The following MLYCD variants were observed in gnomAD, a reference collection of about 807,000 sequenced individuals.
The protein encoded by MLYCD is malonyl-CoA decarboxylase.
A neutral mutation model predicts 35.8 loss-of-function variants in MLYCD; 27 were observed. The observed-to-expected ratio is 0.75, with a 90% confidence interval of 0.56 to 1.04. The LOEUF is 1.04. Among genes scored for constraint, MLYCD ranks in the 50% least tolerant of loss-of-function variants. MLYCD has a pLI of 0.00. For synonymous variants in MLYCD, 403 were observed against 302.4 expected (o/e 1.33, Z -3.45); for missense variants, 917 against 665.1 (o/e 1.38, Z -4.17).
Position 83,919,744 on chromosome 16 carries a change from A to G in MLYCD, c.*4255A>G, listed in dbSNP as rs760118612. The G allele has an allele frequency of 2.7e-4, 40 of 150,560 alleles. No individual in the cohort carries two copies. The highest frequency in any genetic ancestry group is 1.4e-3 in the Admixed American group (21 of 15,196). 9.3% of individuals were successfully genotyped at this position (150,560 alleles called of 1,614,324 possible). On this transcript the variant is annotated 3_prime_UTR_variant, in exon 5 of 5. Coordinates refer to ENST00000262430, the MANE Select transcript of MLYCD (RefSeq NM_012213.3). ...ACAGTGCACAGAACACACAGTGCAC[A>G]GAACACACGGTGCACAGGAGAACAC...
At chr16:83,910,163 T>C (rs1907124095) in intron 3 of MLYCD, among the ~76,000 whole-genome samples, 1 of 151,748 alleles carries the variant, frequency 6.6e-6, no homozygotes, top group Non-Finnish European at 1.5e-5. Context: ...GCAGCAACAG[T>C]CATGGAGATT....
In MLYCD at chr16:83,916,407, TGTG is replaced by T. The variant is rs1907389123; in HGVS notation, c.*919_*921del. 1.2e-5 allele frequency: 2 copies of T among 161,612 alleles called. No individual in the cohort carries two copies. The allele number at this position is 161,612 out of a possible 1,614,324, so 10.0% of individuals were successfully genotyped here. On this transcript the variant is annotated 3_prime_UTR_variant, in exon 5 of 5. Coordinates refer to ENST00000262430, the MANE Select transcript of MLYCD (RefSeq NM_012213.3). ...CTGTGTGCATGTGCACGAGCGTCTC[TGTG>T]TGGATCAGTGCACGTCTGTGCGTGT... is the stretch of plus-strand genomic sequence containing the variant.
chr16:83,914,073 G>A (rs1234826147), intron 4 of MLYCD: 3 of 152,182 alleles, frequency 2.0e-5, no homozygotes, highest in African/African-American at 4.8e-5. Context: ...GCAGACTGTC[G>A]AGAGTGGTTT....
Position 83,912,344 on chromosome 16 carries a change from A to C in MLYCD, c.925A>C (p.Lys309Gln), listed in dbSNP as rs149926091. The C allele has an allele frequency of 5.3e-4, 848 of 1,614,166 alleles. 6 individuals are homozygous for C. In the African/African-American group the frequency reaches 0.01, roughly 20 times the overall value. The change falls in exon 4 of 5, where the codon AAG (lysine) becomes CAG (glutamine). Residue 309 changes from lysine (K) to glutamine (Q), a missense_variant. Transcript: ENST00000262430. ...QGVELGTFLI[K>Q]RVVKELQREF... ...GGTGGAGCTGGGAACATTCCTCATAAAGCGAGTCGTCAAGGAGTTGCAGGT... is the reference window on the plus strand; with the variant it reads ...GGTGGAGCTGGGAACATTCCTCATACAGCGAGTCGTCAAGGAGTTGCAGGT...
chr16:83,911,991 G>A lies in MLYCD; in HGVS notation c.799-227G>A, dbSNP rs143044109. 2.2e-4 allele frequency: 126 copies of A among 578,946 alleles called. No homozygotes were observed. The East Asian group carries it at 2.7e-3, about 12-fold the overall frequency. 35.9% of individuals were successfully genotyped at this position (578,946 alleles called of 1,614,324 possible). A position where few individuals can be genotyped will look rare whatever the true frequency, so the allele number is the denominator to read the frequency against. On this transcript the variant is annotated intron_variant, in intron 3 of 4. Coordinates refer to ENST00000262430, the MANE Select transcript of MLYCD (RefSeq NM_012213.3). ...AGTTTGCATGAAAATTTCAAGAAACGATGCAGTGCTGAGGACCCCCAGGCA... is the reference window on the plus strand; with the variant it reads ...AGTTTGCATGAAAATTTCAAGAAACAATGCAGTGCTGAGGACCCCCAGGCA...
In MLYCD at chr16:83,899,170, C is replaced by A; in HGVS notation, c.26C>A (p.Thr9Lys). The change falls in exon 1 of 5, where the codon ACG becomes AAG. Residue 9 changes from threonine (T) to lysine (K), a missense_variant. Thr to Lys is a moderately conservative substitution (Grantham distance 78, BLOSUM62 -1). Transcript: ENST00000262430. ...ATGCGAGGCTTCGGGCCAGGCTTGACGGCCAGGCGTCTCCTCCCGCTGCGG... is the reference window on the plus strand; with the variant it reads ...ATGCGAGGCTTCGGGCCAGGCTTGAAGGCCAGGCGTCTCCTCCCGCTGCGG... Reference protein sequence around the residue: MRGFGPGLTARRLLPLRLP... With the variant: MRGFGPGLKARRLLPLRLP... 1 of 1,162,830 alleles carries A rather than the reference C, an allele frequency of 8.6e-7. No individual in the cohort carries two copies. Among genetic ancestry groups the A allele is most frequent in the Non-Finnish European group, 1.1e-6 (1 of 946,984 alleles). The allele number at this position is 1,162,830 out of a possible 1,614,324, so 72.0% of individuals were successfully genotyped here.
chr16:83,899,397 G>A lies in MLYCD; in HGVS notation c.253G>A (p.Ala85Thr), dbSNP rs1906693886. 2.0e-6 allele frequency: 3 copies of A among 1,528,456 alleles called. No homozygotes were observed. The highest frequency in any genetic ancestry group is 2.0e-5 in the Admixed American group (1 of 50,946). The allele number at this position is 1,528,456 out of a possible 1,614,324, so 94.7% of individuals were successfully genotyped here. ...YGGLAETAQR[A>T]ELLGRLARGF... ...TGGGCTGGCCGAGACGGCCCAGCGG[G>A]CCGAACTGCTGGGCCGCCTGGCGCG... The change falls in exon 1 of 5, where the codon GCC becomes ACC. Residue 85 changes from alanine (A) to threonine (T), a missense_variant. By Grantham distance (58) the Ala-to-Thr change is moderately conservative (BLOSUM62 0). Transcript: ENST00000262430.
At chr16:83,914,754 G>T in intron 4 of MLYCD, 3 of 699,078 alleles carry the variant, frequency 4.3e-6, no homozygotes, top group Admixed American at 2.4e-5. Context: ...ACTCCAGCTA[G>T]GGCAATAGAG....
intron 3 of MLYCD, among the ~76,000 whole-genome samples, chr16:83,909,909 A>C (rs1907113814): frequency 6.6e-6 from 1 of 151,904 alleles, no homozygotes; most frequent in African/African-American, 2.4e-5. Context: ...CTGGGACTAT[A>C]AAGGCGTGAG....
rs758897519 is a variant in MLYCD, at chr16:83,922,514, G to A, written c.*7025G>A. 9 of 152,250 alleles carry A rather than the reference G, an allele frequency of 5.9e-5. No individual in the cohort carries two copies. The highest frequency in any genetic ancestry group is 5.8e-4 in the East Asian group (3 of 5,194). The allele number at this position is 152,250 out of a possible 1,614,324, so 9.4% of individuals were successfully genotyped here. The stretch of plus-strand genomic sequence containing the variant: ...GGAGGGAGCTGTAGACTTTGGCTCC[G>A]GCCAGTGCCCAGTTCAAATGCTGGC... On this transcript the variant is annotated 3_prime_UTR_variant, in exon 5 of 5. Coordinates refer to ENST00000262430, the MANE Select transcript of MLYCD (RefSeq NM_012213.3).
At chr16:83,914,525 C>T (rs1226308850) in intron 4 of MLYCD, 4 of 291,928 alleles carry the variant, frequency 1.4e-5, no homozygotes, top group African/African-American at 2.2e-5. Context: ...ACTCTAGTCT[C>T]GGTTTTGCCG....
rs1907415584 is a variant in MLYCD, at chr16:83,916,791, CTA to C, written c.*1304_*1305del. ...GTCTGTGTGCATGTGCACGAGCGTTCTATGTGGATCAGTGCACGCCTGTGTGC... is the reference window on the plus strand; with the variant it reads ...GTCTGTGTGCATGTGCACGAGCGTTCTGTGGATCAGTGCACGCCTGTGTGC... On this transcript the variant is annotated 3_prime_UTR_variant, in exon 5 of 5. Coordinates refer to ENST00000262430, the MANE Select transcript of MLYCD (RefSeq NM_012213.3). The C allele has an allele frequency of 2.4e-5, 3 of 123,570 alleles. No homozygotes were observed. Among genetic ancestry groups the C allele is most frequent in the South Asian group, 5.7e-4 (2 of 3,538 alleles). The allele number at this position is 123,570 out of a possible 1,614,324, so 7.7% of individuals were successfully genotyped here. A position where few individuals can be genotyped will look rare whatever the true frequency, so the allele number is the denominator to read the frequency against.
intron 1 of MLYCD, 32 bp from the exon 2 acceptor site, chr16:83,906,955 T>G (rs879117476): frequency 6.3e-7 from 1 of 1,581,452 alleles, no homozygotes; most frequent in Non-Finnish European, 8.7e-7. Context: ...TGTCGCACAT[T>G]GGAGGCCTGG....
At chr16:83,900,700 A>G (rs1196155248) in intron 1 of MLYCD, among the ~76,000 whole-genome samples, 1 of 149,920 alleles carries the variant, frequency 6.7e-6, no homozygotes, top group Non-Finnish European at 1.5e-5. Context: ...TTGGACATTC[A>G]GAAGTTTGTT....
intron 1 of MLYCD, among the ~76,000 whole-genome samples, chr16:83,900,566 C>G (rs964270034): frequency 6.6e-6 from 1 of 151,388 alleles, no homozygotes; most frequent in Non-Finnish European, 1.5e-5. Context: ...CAGGTGCAGG[C>G]CACCATGCCC....
intron 3 of MLYCD, among the ~76,000 whole-genome samples, chr16:83,908,983 G>T (rs1055627576): frequency 6.6e-6 from 1 of 152,188 alleles, no homozygotes; most frequent in African/African-American, 2.4e-5. Context: ...GTGGATGATG[G>T]CCCATCACAA....
Position 83,923,611 on chromosome 16 carries a change from G to A in MLYCD, c.*8122G>A, listed in dbSNP as rs994769353. 19 of 152,392 alleles carry A rather than the reference G, an allele frequency of 1.2e-4. No homozygotes were observed. Among genetic ancestry groups the A allele is most frequent in the African/African-American group, 4.1e-4 (17 of 41,584 alleles). The allele number at this position is 152,392 out of a possible 1,614,324, so 9.4% of individuals were successfully genotyped here. A position where few individuals can be genotyped will look rare whatever the true frequency, so the allele number is the denominator to read the frequency against. ...TGGTTCCAGCCTGCCTCCTTCCCTA[G>A]AGGATCACCGTGTCCAGCCCTGAAG... On this transcript the variant is annotated 3_prime_UTR_variant, in exon 5 of 5. Transcript: ENST00000262430.
chr16:83,917,025 T>C lies in MLYCD; in HGVS notation c.*1536T>C, dbSNP rs557497474. 2.6e-5 allele frequency: 3 copies of C among 117,160 alleles called. No individual in the cohort carries two copies. The highest frequency in any genetic ancestry group is 5.2e-5 in the Non-Finnish European group (3 of 57,380). 7.3% of individuals were successfully genotyped at this position (117,160 alleles called of 1,614,324 possible). ...GAGCGTCTCTGTGTGTCAGTGCACG[T>C]CTGTGTGCGTGTGCACAAGCGTCTC... is the stretch of plus-strand genomic sequence containing the variant. On this transcript the variant is annotated 3_prime_UTR_variant, in exon 5 of 5. Transcript: ENST00000262430.
chr16:83,915,424 A>T lies in MLYCD; in HGVS notation c.1417A>T (p.Ile473Phe). ...PNSTSYLGSK[I>F]IKASEQVLSL... is the part of the protein sequence containing the mutation. ...CAGCACCTCCTACCTCGGCTCCAAG[A>T]TCATCAAAGCCTCTGAGCAGGTCCT... Residue 473 changes from isoleucine to phenylalanine, a missense_variant, in exon 5 of 5, where the codon ATC becomes TTC. Ile to Phe is a conservative substitution (Grantham distance 21). Transcript: ENST00000262430. The T allele has an allele frequency of 1.2e-6, 2 of 1,613,736 alleles. No individual in the cohort carries two copies. The highest frequency in any genetic ancestry group is 1.7e-6 in the Non-Finnish European group (2 of 1,180,036).
Sources: gnomAD v4.1 joint callset for allele counts (sites outside exome capture counted in the v4.1 genomes callset) on GRCh38, gnomAD v4.1.1 for gene constraint, MANE v1.5 for transcripts, NCBI Gene and HGNC (gene_info 2026-07-23, HGNC 2026-07-21) for gene names.